Variants in CD207 observed in about 807,000 individuals in gnomAD.
CD207 encodes C-type lectin domain family 4 member K.
Under a neutral mutation model 31.6 loss-of-function variants are expected in CD207, and 28 were observed. That is an observed-to-expected ratio of 0.89 (90% CI 0.66 to 1.21). The LOEUF is 1.21. Among genes scored for constraint, CD207 ranks in the 50% most tolerant of loss-of-function variants. The pLI is 0.00. For missense variants in CD207, 388 were observed against 397.8 expected (o/e 0.98, Z 0.21); for synonymous variants, 168 against 153.9 (o/e 1.09, Z -0.68).
the CD207 span, among the ~76,000 whole-genome samples, chr2:70,824,184 A>C: frequency 6.6e-6 from 1 of 152,140 alleles, no homozygotes; most frequent in Admixed American, 6.5e-5. Context: ...GCTTCTTGAC[A>C]TGATGTGAGC....
rs543798040 is a variant in CD207 at position 70,833,571 on chromosome 2, A to G, written c.565+75T>C. 57 of 1,449,854 alleles carry G rather than the reference A, an allele frequency of 3.9e-5. 1 individual carries two copies. The Middle Eastern group carries it at 8.0e-4, about 20-fold the overall frequency. The allele number at this position is 1,449,854 out of a possible 1,614,324, so 89.8% of individuals were successfully genotyped here. On this transcript the variant is annotated intron_variant, in intron 3 of 5. Coordinates refer to ENST00000410009, the MANE Select transcript of CD207 (RefSeq NM_015717.5). ...CTCTCCTCCCCAACCCACCAGCCCA[A>G]TGGCCTCAGGTCTGGGACAGGTAAG...
chr2:70,824,881 C>A, the CD207 span, among the ~76,000 whole-genome samples: 1 of 152,044 alleles, frequency 6.6e-6, no homozygotes, highest in Non-Finnish European at 1.5e-5. Context: ...ATGTAAATAT[C>A]CCATTCTGAG....
At chr2:70,828,653 T>C (rs1677400223), downstream of CD207, among the ~76,000 whole-genome samples, 1 of 152,154 alleles carries the variant, frequency 6.6e-6, no homozygotes. Flanking sequence ...CTCTGCCAAC[T>C]ATAATCCTCT....
At chr2:70,828,166 A>G (rs559440616), downstream of CD207, among the ~76,000 whole-genome samples, 6 of 152,362 alleles carry the variant, frequency 3.9e-5, no homozygotes, top group South Asian at 1.2e-3. Flanking sequence ...GGAGCTGCCC[A>G]GGTATTGATA....
At chr2:70,831,859 TGGA>T in intron 4 of CD207, 40 bp from the exon 5 acceptor site, 1 of 1,289,114 alleles carries the variant, frequency 7.8e-7, no homozygotes, top group South Asian at 1.2e-5. Flanking sequence ...CGGCCACACT[TGGA>T]GCTTGATCAT....
At chr2:70,829,810 C>T (rs782683149), downstream of CD207, among the ~76,000 whole-genome samples, 1 of 152,082 alleles carries the variant, frequency 6.6e-6, no homozygotes, top group African/African-American at 2.4e-5. Flanking sequence ...CTCACTCCAC[C>T]CTCCTCTCCT....
rs540099793 is a variant in CD207 at position 70,834,070 on chromosome 2, G to A, written c.191-50C>T. On this transcript the variant is annotated intron_variant, in intron 2 of 5. Transcript: ENST00000410009. ...CAGCTGAGGGGAGTCCCAGGGACAGGAGTGGGGGTGTTGTCAGGTTGATCA... is the reference window on the plus strand; with the variant it reads ...CAGCTGAGGGGAGTCCCAGGGACAGAAGTGGGGGTGTTGTCAGGTTGATCA... 354 of 1,448,530 alleles carry A rather than the reference G, an allele frequency of 2.4e-4. 6 individuals carry two copies. In the South Asian group the frequency reaches 5.5e-3, roughly 23 times the overall value. 89.7% of individuals were successfully genotyped at this position (1,448,530 alleles called of 1,614,324 possible).
intron 2 of CD207, among the ~76,000 whole-genome samples, chr2:70,835,178 G>T (rs1289589914): frequency 3.9e-5 from 6 of 152,236 alleles, no homozygotes; most frequent in African/African-American, 1.4e-4. Flanking sequence ...ATTGGTGGGG[G>T]GTGGACGGGG....
chr2:70,832,763 A>C (rs1441130068), intron 4 of CD207, 137 bp downstream of exon 4: 1 of 850,338 alleles, frequency 1.2e-6, no homozygotes, highest in Non-Finnish European at 1.7e-6. Flanking sequence ...CTTATTCGAC[A>C]TGCTACTGAG....
At chr2:70,835,365 G>A (rs1677586054) in intron 2 of CD207, 126 bp downstream of exon 2, 2 of 711,272 alleles carry the variant, frequency 2.8e-6, no homozygotes, top group African/African-American at 1.8e-5. Flanking sequence ...GAAAGAGGAG[G>A]AAGGAGACAA....
chr2:70,831,576 C>T (rs1008119386), intron 5 of CD207, 125 bp downstream of exon 5: 5 of 707,950 alleles, frequency 7.1e-6, no homozygotes, highest in Non-Finnish European at 1.3e-5. Context: ...TTGCAATGTT[C>T]CTGTCACTCT....
chr2:70,827,348 G>C (rs1303541950), downstream of CD207, among the ~76,000 whole-genome samples: 1 of 151,412 alleles, frequency 6.6e-6, no homozygotes, highest in Non-Finnish European at 1.5e-5. Flanking sequence ...AAAAAAAAAA[G>C]AAAGTTGCCT....
At chr2:70,828,154 G>C (rs1306323275), downstream of CD207, among the ~76,000 whole-genome samples, 1 of 152,184 alleles carries the variant, frequency 6.6e-6, no homozygotes, top group Non-Finnish European at 1.5e-5. Context: ...TCCATGATAC[G>C]AGGAGCTGCC....
At chr2:70,829,123 T>G (rs1470088208), downstream of CD207, among the ~76,000 whole-genome samples, 1 of 152,234 alleles carries the variant, frequency 6.6e-6, no homozygotes, top group African/African-American at 2.4e-5. Flanking sequence ...TGGTTCAAAT[T>G]CTTTCCCAGA....
the CD207 span, among the ~76,000 whole-genome samples, chr2:70,824,711 G>A: frequency 1.3e-5 from 2 of 148,858 alleles, no homozygotes; most frequent in African/African-American, 2.5e-5. Flanking sequence ...CAAAGCCAGA[G>A]CAATTTGAGC....
Position 70,835,516 on chromosome 2 carries a change from G to C in CD207, c.165C>G (p.Ala55=). The change falls in exon 2 of 6, where the codon GCC becomes GCG. Residue 55 remains alanine (A), a synonymous_variant. Coordinates refer to ENST00000410009, the MANE Select transcript of CD207 (RefSeq NM_015717.5). ...ALICLTLVLV[A]SVLLQAVLYP... ...AAAGGACGGCCTGCAGCAGGACGGA[G>C]GCGACCAGGACCAGCGTCAGGCAGA... is the stretch of plus-strand genomic sequence containing the variant. The C allele has an allele frequency of 6.2e-7, 1 of 1,613,714 alleles. No individual in the cohort carries two copies. Among genetic ancestry groups the C allele is most frequent in the Non-Finnish European group, 8.5e-7 (1 of 1,179,786 alleles).
chr2:70,831,150 C>A lies in CD207; in HGVS notation c.887G>T (p.Gly296Val). 1 of 1,613,806 alleles carries A rather than the reference C, an allele frequency of 6.2e-7. No individual in the cohort carries two copies. The highest frequency in any genetic ancestry group is 8.5e-7 in the Non-Finnish European group (1 of 1,179,774). ...CTGAAGTGAGGGAGCCTTTATATTG[C>A]CACAGTGTTCATTGTTCCCAGCATT... ...PNNAGNNEHC[G>V]NIKAPSLQAW... The change falls in exon 6 of 6, where the codon GGC becomes GTC. Residue 296 changes from glycine to valine, a missense_variant. Transcript: ENST00000410009.
In CD207 at chr2:70,831,792, G is replaced by T. The variant is rs943963603; in HGVS notation, c.745C>A (p.Leu249Ile). 61 of 1,612,476 alleles carry T rather than the reference G, an allele frequency of 3.8e-5. No homozygotes were observed. The highest frequency in any genetic ancestry group is 5.0e-5 in the Non-Finnish European group (59 of 1,178,574). The part of the protein sequence containing the change: ...QEFLYKTAGG[L>I]IYWIGLTKAG... ...TTAGTCAGGCCAATCCAGTAGATGA[G>T]TCCCCCCGCTGTTTTATACAGAAAC... Residue 249 changes from leucine (L) to isoleucine (I), a missense_variant, in exon 5 of 6, where the codon CTC becomes ATC. Leu to Ile is a conservative substitution (Grantham distance 5). Coordinates refer to ENST00000410009, the MANE Select transcript of CD207 (RefSeq NM_015717.5).
At chr2:70,832,701 C>T (rs1553400030) in intron 4 of CD207, among the ~76,000 whole-genome samples, 199 bp downstream of exon 4, 1 of 152,232 alleles carries the variant, frequency 6.6e-6, no homozygotes, top group African/African-American at 2.4e-5. Context: ...ATGAAGACTC[C>T]TTGGGCCTGG....
Sources: allele counts gnomAD v4.1 joint callset (sites outside exome capture counted in the v4.1 genomes callset), GRCh38; gene constraint gnomAD v4.1.1; transcripts MANE v1.5; gene names NCBI Gene and HGNC (gene_info 2026-07-23, HGNC 2026-07-21).